DGKI: variants seen among roughly 807,000 people sequenced by gnomAD.
DGKI encodes the protein diacylglycerol kinase iota, also known as DAG kinase iota.
DGKI carries 55 observed loss-of-function variants against 147.5 expected under a neutral mutation model. The observed-to-expected ratio is 0.37, with a 90% CI of 0.30 to 0.47. The LOEUF is 0.47. Ranked by LOEUF, DGKI falls within the 20% of genes least tolerant of loss-of-function variation. The pLI, the probability that DGKI is intolerant of heterozygous loss-of-function variation, is 1.00. For synonymous variants in DGKI, 469 were observed against 477.1 expected (o/e 0.98, Z 0.22); for missense variants, 1,007 against 1,323.8 (o/e 0.76, Z 3.71).
chr7:137,837,704 C>T (rs1272647857), intron 1 of DGKI, among the ~76,000 whole-genome samples: 2 of 152,190 alleles, frequency 1.3e-5, no homozygotes, highest in African/African-American at 4.8e-5. Context: ...CTCCCCAGAA[C>T]CTGACCATGT....
intron 1 of DGKI, among the ~76,000 whole-genome samples, chr7:137,826,652 G>C (rs1041253195): frequency 1.3e-5 from 2 of 152,014 alleles, no homozygotes; most frequent in African/African-American, 4.8e-5. Context: ...ATTGGAATCT[G>C]GGGGAAAAAA....
intron 28 of DGKI, among the ~76,000 whole-genome samples, chr7:137,426,761 T>C (rs1240821361): frequency 6.0e-5 from 9 of 151,140 alleles, no homozygotes; most frequent in Admixed American, 5.3e-4. Flanking sequence ...TAGTCTCTGA[T>C]AAAACAGACT....
At chr7:137,477,984 TC>T (rs1171284481) in intron 23 of DGKI, among the ~76,000 whole-genome samples, 1 of 152,178 alleles carries the variant, frequency 6.6e-6, no homozygotes, top group Non-Finnish European at 1.5e-5. Context: ...TAAACAACAA[TC>T]CCCACATATG....
At chr7:137,721,861 C>A in intron 1 of DGKI, 1 of 631,338 alleles carries the variant, frequency 1.6e-6, no homozygotes, top group Non-Finnish European at 2.7e-6. Flanking sequence ...CCTTGGCACA[C>A]ATGGTTCCAT....
Position 137,393,015 on chromosome 7 carries a change from C to T in DGKI, c.3058-1679G>A, listed in dbSNP as rs187729873. ...ATATAACGTTGAGTGAAAAGTTATACGATATCATGTATGTATGACTTCATC... is the reference window on the plus strand; with the variant it reads ...ATATAACGTTGAGTGAAAAGTTATATGATATCATGTATGTATGACTTCATC... On this transcript the variant is annotated intron_variant, in intron 32 of 32. Coordinates refer to ENST00000614521, the MANE Select transcript of DGKI (RefSeq NM_001321708.2). Among the ~76,000 whole-genome samples the T allele has an allele frequency of 1.2e-4, 18 of 152,064 alleles. No homozygotes were observed. The East Asian group carries it at 1.7e-3, about 15-fold the overall frequency.
chr7:137,534,598 G>C (rs1308235021), intron 20 of DGKI, among the ~76,000 whole-genome samples: 3 of 151,768 alleles, frequency 2.0e-5, no homozygotes, highest in Admixed American at 2.0e-4. Flanking sequence ...AATTAATATG[G>C]AAAATCTGTT....
intron 6 of DGKI, among the ~76,000 whole-genome samples, chr7:137,632,134 G>C (rs961400851): frequency 6.6e-6 from 1 of 152,174 alleles, no homozygotes; most frequent in Admixed American, 6.5e-5. Flanking sequence ...AGAGAGCTAT[G>C]GAAATGGTTA....
intron 1 of DGKI, among the ~76,000 whole-genome samples, chr7:137,726,082 T>G (rs1439306813): frequency 6.6e-6 from 1 of 152,180 alleles, no homozygotes; most frequent in Non-Finnish European, 1.5e-5. Flanking sequence ...CTGCTCTATA[T>G]CTCACCCTGA....
intron 1 of DGKI, among the ~76,000 whole-genome samples, chr7:137,715,004 A>T (rs752771851): frequency 2.0e-5 from 3 of 152,120 alleles, no homozygotes; most frequent in Non-Finnish European, 4.4e-5. Flanking sequence ...CTTCCTAATC[A>T]GAAAACAGAA....
rs1818459058 is a variant in DGKI, at chr7:137,562,742, G to A, written c.1947+8433C>T. Among the ~76,000 whole-genome samples the A allele has an allele frequency of 2.0e-5, 3 of 151,998 alleles. No individual in the cohort carries two copies. In the South Asian group the frequency reaches 6.2e-4, roughly 32 times the overall value. On this transcript the variant is annotated intron_variant, in intron 19 of 32. Coordinates refer to ENST00000614521, the MANE Select transcript of DGKI (RefSeq NM_001321708.2). ...ATTTAACTTAATAAAGTTGACTCAA[G>A]AAGAAATAGATAATATGAATAATTC...
chr7:137,505,432 C>A (rs1816332479), intron 21 of DGKI, among the ~76,000 whole-genome samples: 1 of 152,110 alleles, frequency 6.6e-6, no homozygotes, highest in South Asian at 2.1e-4. Flanking sequence ...TGGTTCATGT[C>A]ATATCTAATT....
At chr7:137,471,953 ATAT>A (rs1814914292) in intron 23 of DGKI, among the ~76,000 whole-genome samples, 1 of 129,118 alleles carries the variant, frequency 7.7e-6, no homozygotes, top group Non-Finnish European at 1.5e-5. Context: ...ACACATGTAT[ATAT>A]TATATATTAT....
intron 20 of DGKI, among the ~76,000 whole-genome samples, chr7:137,540,522 C>T (rs1817651954): frequency 6.6e-6 from 1 of 151,766 alleles, no homozygotes; most frequent in African/African-American, 2.4e-5. Context: ...TAAAACTCCA[C>T]ACTACTTCAA....
chr7:137,456,468 A>C (rs1026653011), intron 27 of DGKI, among the ~76,000 whole-genome samples: 3 of 152,202 alleles, frequency 2.0e-5, no homozygotes, highest in African/African-American at 7.2e-5. Flanking sequence ...TATTCATCCC[A>C]AAAGCCTGCC....
At chr7:137,632,710 T>A (rs930921382) in intron 6 of DGKI, among the ~76,000 whole-genome samples, 2 of 151,712 alleles carry the variant, frequency 1.3e-5, no homozygotes, top group Admixed American at 6.6e-5. Context: ...TACAAAAAAA[T>A]TAGCTGGGCG....
chr7:137,746,571 T>C (rs1795341278), intron 1 of DGKI, among the ~76,000 whole-genome samples: 1 of 152,144 alleles, frequency 6.6e-6, no homozygotes, highest in Non-Finnish European at 1.5e-5. Context: ...TTTGTTTGTT[T>C]GTTTGTTTGT....
chr7:137,692,079 C>T (rs1424906343), intron 1 of DGKI, among the ~76,000 whole-genome samples: 1 of 152,148 alleles, frequency 6.6e-6, no homozygotes, highest in East Asian at 1.9e-4. Flanking sequence ...CACCCCAAAG[C>T]ATATTCCATA....
intron 1 of DGKI, among the ~76,000 whole-genome samples, chr7:137,777,678 A>G (rs1051157403): frequency 1.3e-5 from 2 of 152,180 alleles, no homozygotes; most frequent in Non-Finnish European, 2.9e-5. Context: ...TCGACTCATC[A>G]ATGTCTTTTA....
At chr7:137,801,270 T>C (rs995038927) in intron 1 of DGKI, among the ~76,000 whole-genome samples, 5 of 152,172 alleles carry the variant, frequency 3.3e-5, no homozygotes, top group African/African-American at 2.4e-5. Context: ...TATTATACTT[T>C]CTTGCTCCCT....
Sources: allele counts gnomAD v4.1 joint callset (sites outside exome capture counted in the v4.1 genomes callset), GRCh38; gene constraint gnomAD v4.1.1; transcripts MANE v1.5; gene names NCBI Gene and HGNC (gene_info 2026-07-23, HGNC 2026-07-21).